Variants in NSUN2 observed in about 807,000 individuals in gnomAD.
NSUN2 encodes the protein NOP2/Sun RNA methyltransferase 2.
Under a neutral mutation model 92.7 loss-of-function variants are expected in NSUN2, and 63 were observed. That is an observed-to-expected ratio of 0.68 (90% CI 0.56 to 0.84). NSUN2 has a LOEUF of 0.84. Among genes scored for constraint, NSUN2 ranks in the 40% least tolerant of loss-of-function variants. NSUN2 has a pLI of 0.00. For missense variants in NSUN2, 989 were observed against 964.9 expected (o/e 1.02, Z -0.33); for synonymous variants, 356 against 348.3 (o/e 1.02, Z -0.25).
intron 14 of NSUN2, among the ~76,000 whole-genome samples, chr5:6,606,501 G>A (rs567599990): frequency 6.6e-6 from 1 of 152,178 alleles, no homozygotes; most frequent in South Asian, 2.1e-4. Flanking sequence ...CAGCCAGGAT[G>A]GTCTCAATCT....
At position 6,600,133 on chromosome 5, in the gene NSUN2, G is replaced by A. The variant is rs1057838; in HGVS notation, c.2097C>T (p.Leu699=). The change falls in exon 19 of 19, where the codon CTC becomes CTT. Residue 699 remains leucine, a synonymous_variant. Transcript: ENST00000264670. ...CCAATACCTCCAGCCCCATCATCCT[G>A]AGATAATGAAGCCGTTCATTCTTGG... The part of the protein sequence containing the change: ...FVPKNERLHY[L]RMMGLEVLGE... 3 of 1,614,146 alleles carry A rather than the reference G, an allele frequency of 1.9e-6. No individual in the cohort carries two copies. The Admixed American group carries it at 5.0e-5, about 27-fold the overall frequency.
At chr5:6,612,985 G>A (rs1737064864) in intron 9 of NSUN2, among the ~76,000 whole-genome samples, 1 of 152,214 alleles carries the variant, frequency 6.6e-6, no homozygotes, top group African/African-American at 2.4e-5. Context: ...GCCAAGGTCT[G>A]CTCCTTCCTG....
chr5:6,632,534 A>C (rs1169837453), intron 2 of NSUN2, 65 bp downstream of exon 2: 2 of 1,564,548 alleles, frequency 1.3e-6, no homozygotes, highest in Non-Finnish European at 1.7e-6. Flanking sequence ...CGAAGAAAAC[A>C]CCGTCGCCTT....
chr5:6,613,771 G>C (rs762439518), intron 9 of NSUN2, among the ~76,000 whole-genome samples: 1 of 152,170 alleles, frequency 6.6e-6, no homozygotes, highest in South Asian at 2.1e-4. Flanking sequence ...GCTGGACAGG[G>C]AAAGAGGGTG....
At chr5:6,626,101 CTGA>C (rs1231636258) in intron 3 of NSUN2, among the ~76,000 whole-genome samples, 1 of 152,136 alleles carries the variant, frequency 6.6e-6, no homozygotes, top group Non-Finnish European at 1.5e-5. Context: ...CCACAAATAC[CTGA>C]TTAGTTTTTT....
rs933518550 is a variant in NSUN2 at position 6,622,116 on chromosome 5, G to A, written c.538-16C>T. 6.3e-7 allele frequency: 1 copy of A among 1,594,924 alleles called. No homozygotes were observed. Among genetic ancestry groups the A allele is most frequent in the African/African-American group, 1.3e-5 (1 of 74,308 alleles). On this transcript the variant is annotated splice_polypyrimidine_tract_variant and intron_variant, in intron 5 of 18. Coordinates refer to ENST00000264670, the MANE Select transcript of NSUN2 (RefSeq NM_017755.6). The stretch of plus-strand genomic sequence containing the variant: ...TATCTAAGATCTATTAACAAAGCAA[G>A]AAACTGTTTCATGTTTTTAAAAAAC...
At chr5:6,619,626 G>T (rs891776781) in intron 7 of NSUN2, among the ~76,000 whole-genome samples, 1 of 152,140 alleles carries the variant, frequency 6.6e-6, no homozygotes, top group Admixed American at 6.5e-5. Flanking sequence ...CAAGCAAAAT[G>T]AATTTCTTAA....
intron 4 of NSUN2, among the ~76,000 whole-genome samples, chr5:6,623,901 T>C (rs953812056): frequency 2.6e-5 from 4 of 152,220 alleles, no homozygotes; most frequent in African/African-American, 7.2e-5. Context: ...AAGGCAGAAC[T>C]ATTCAGGTGC....
Position 6,602,162 on chromosome 5 carries a change from C to T in NSUN2, c.1997+299G>A, listed in dbSNP as rs78404613. Reference sequence around the variant, plus strand: ...CTCAACTGTCCAATCTTCACACTTACTCTGTACAAGACAGAAATTTTCATT... The same window carrying T: ...CTCAACTGTCCAATCTTCACACTTATTCTGTACAAGACAGAAATTTTCATT... On this transcript the variant is annotated intron_variant, in intron 18 of 18. Transcript: ENST00000264670. Among the ~76,000 whole-genome samples, 6,832 of 152,216 alleles carry T rather than the reference C, an allele frequency of 0.045. 244 individuals carry two copies. Among genetic ancestry groups the T allele is most frequent in the Admixed American group, 0.098 (1,495 of 15,288 alleles).
At chr5:6,620,419 A>G (rs1162442303) in intron 6 of NSUN2, 121 bp from the exon 7 acceptor site, 4 of 721,078 alleles carry the variant, frequency 5.5e-6, no homozygotes, top group Non-Finnish European at 8.7e-6. Context: ...TAAGACCCAC[A>G]GTCAAGGTTT....
chr5:6,616,152 A>G (rs1737202111), intron 9 of NSUN2, among the ~76,000 whole-genome samples: 1 of 152,220 alleles, frequency 6.6e-6, no homozygotes, highest in Non-Finnish European at 1.5e-5. Flanking sequence ...TCAACTTCTG[A>G]GTGTATATCC....
chr5:6,603,233 T>A (rs1328810977), intron 17 of NSUN2, among the ~76,000 whole-genome samples: 1 of 152,214 alleles, frequency 6.6e-6, no homozygotes, highest in Non-Finnish European at 1.5e-5. Context: ...ACTGGAGTGA[T>A]CTGAAGTGGA....
In NSUN2 at chr5:6,602,460, C is replaced by T. The variant is rs149980835; in HGVS notation, c.1997+1G>A. 6 of 1,613,708 alleles carry T rather than the reference C, an allele frequency of 3.7e-6. No homozygotes were observed. The highest frequency in any genetic ancestry group is 5.1e-6 in the Non-Finnish European group (6 of 1,179,926). ...TAAGGGCAGGGCGTGTACTGACTTACGCAGAATCTGGTTCATACTTCAGCA... is the reference window on the plus strand; with the variant it reads ...TAAGGGCAGGGCGTGTACTGACTTATGCAGAATCTGGTTCATACTTCAGCA... On this transcript the variant is annotated splice_donor_variant, in intron 18 of 18. Coordinates refer to ENST00000264670, the MANE Select transcript of NSUN2 (RefSeq NM_017755.6). LOFTEE classifies it high-confidence loss of function.
intron 4 of NSUN2, among the ~76,000 whole-genome samples, chr5:6,624,174 A>AG (rs1386197858): frequency 2.0e-5 from 3 of 152,200 alleles, no homozygotes; most frequent in Non-Finnish European, 4.4e-5. Context: ...TTCACTCACT[A>AG]GGCACACTGA....
chr5:6,622,847 C>CAAAAAAAAAAA (rs36124758), intron 5 of NSUN2, among the ~76,000 whole-genome samples: 1 of 126,926 alleles, frequency 7.9e-6, no homozygotes, highest in Non-Finnish European at 1.6e-5. Flanking sequence ...AACTCCATCT[C>CAAAAAAAAAAA]AAAAAAAAAA....
At chr5:6,604,086 GGCC>G in intron 17 of NSUN2, 49 bp downstream of exon 17, 1 of 1,543,350 alleles carries the variant, frequency 6.5e-7, no homozygotes, top group Non-Finnish European at 8.8e-7. Flanking sequence ...CATTTTTGCT[GGCC>G]TTATAAAGGG....
chr5:6,620,567 GTCTTT>G (rs953974805), intron 6 of NSUN2: 13 of 317,964 alleles, frequency 4.1e-5, no homozygotes, highest in Non-Finnish European at 6.2e-5. Flanking sequence ...TGCCAAAAAT[GTCTTT>G]TCTGTTATTA....
chr5:6,629,199 T>C (rs991285323), intron 3 of NSUN2, among the ~76,000 whole-genome samples: 2 of 152,238 alleles, frequency 1.3e-5, no homozygotes, highest in African/African-American at 2.4e-5. Flanking sequence ...CAATTCACCT[T>C]CATTCTTCAA....
intron 3 of NSUN2, among the ~76,000 whole-genome samples, chr5:6,629,707 G>C (rs573915325): frequency 6.6e-6 from 1 of 152,266 alleles, no homozygotes; most frequent in African/African-American, 2.4e-5. Context: ...ACCTTGAATT[G>C]TAATATTCCC....
Sources: allele counts gnomAD v4.1 joint callset (sites outside exome capture counted in the v4.1 genomes callset), GRCh38; gene constraint gnomAD v4.1.1; transcripts MANE v1.5; gene names NCBI Gene and HGNC (gene_info 2026-07-23, HGNC 2026-07-21).